The following KCNH5 variants were observed in gnomAD, a reference collection of about 807,000 sequenced individuals.
KCNH5 encodes the protein potassium voltage-gated channel subfamily H member 5, also known as voltage-gated delayed rectifier potassium channel KCNH5.
A neutral mutation model predicts 96.1 loss-of-function variants in KCNH5; 46 were observed. The observed-to-expected ratio is 0.48, with a 90% CI of 0.38 to 0.61. KCNH5 has a LOEUF of 0.61. KCNH5 is among the 20% of genes least tolerant of loss of function. The pLI, the probability that KCNH5 is intolerant of heterozygous loss-of-function variation, is 0.00. For synonymous variants in KCNH5, 439 were observed against 449.8 expected, an observed-to-expected ratio of 0.98 and a Z score of 0.30; for missense variants, 907 against 1,225.8, an observed-to-expected ratio of 0.74 and a Z score of 3.88.
At chr14:62,800,187 G>A (rs946854912) in intron 9 of KCNH5, among the ~76,000 whole-genome samples, 20 of 152,088 alleles carry the variant, frequency 1.3e-4, no homozygotes, top group African/African-American at 2.7e-4. Flanking sequence ...AGAGTTGTCC[G>A]TATAATTTGA....
chr14:62,952,416 T>C (rs1188616936), intron 6 of KCNH5, among the ~76,000 whole-genome samples: 2 of 152,136 alleles, frequency 1.3e-5, no homozygotes, highest in Non-Finnish European at 2.9e-5. Context: ...AATAAACATT[T>C]ATGGAGCACT....
intron 7 of KCNH5, among the ~76,000 whole-genome samples, chr14:62,881,909 T>C (rs1406037135): frequency 6.6e-6 from 1 of 152,064 alleles, no homozygotes; most frequent in African/African-American, 2.4e-5. Flanking sequence ...TGGTCCACTA[T>C]ATGTCTATCA....
At chr14:62,749,913 C>T (rs73271163) in intron 10 of KCNH5, among the ~76,000 whole-genome samples, 3,739 of 152,200 alleles carry the variant, frequency 0.025, 118 homozygotes, top group East Asian at 0.092. Context: ...GAAAGATGGG[C>T]CATTATTGTT....
At chr14:63,026,286 T>C (rs947586956) in intron 1 of KCNH5, among the ~76,000 whole-genome samples, 1 of 152,024 alleles carries the variant, frequency 6.6e-6, no homozygotes, top group African/African-American at 2.4e-5. Context: ...GAAGGAAAGC[T>C]ACAAGACATT....
intron 8 of KCNH5, among the ~76,000 whole-genome samples, chr14:62,835,753 A>T (rs903055493): frequency 7.2e-5 from 11 of 151,982 alleles, no homozygotes; most frequent in Non-Finnish European, 1.5e-4. Context: ...AAAATACCTT[A>T]AAAAATAAAG....
At chr14:62,976,371 C>G (rs562418610) in intron 6 of KCNH5, among the ~76,000 whole-genome samples, 2 of 148,542 alleles carry the variant, frequency 1.3e-5, no homozygotes, top group South Asian at 4.3e-4. Flanking sequence ...CCACTGCACT[C>G]CAGCCTGGGT....
At chr14:63,044,890 G>T (rs570107202) in intron 1 of KCNH5, among the ~76,000 whole-genome samples, 1 of 152,272 alleles carries the variant, frequency 6.6e-6, no homozygotes, top group East Asian at 1.9e-4. Flanking sequence ...GGACAGGTGG[G>T]AGGGGGTGAG....
intron 5 of KCNH5, 37 bp downstream of exon 5, chr14:62,987,035 C>A: frequency 7.2e-7 from 1 of 1,383,416 alleles, no homozygotes; most frequent in Non-Finnish European, 1.0e-6. Context: ...TGTACCAACA[C>A]CACCATCTTG....
At chr14:63,015,031 A>G (rs1891300274) in intron 2 of KCNH5, among the ~76,000 whole-genome samples, 1 of 152,124 alleles carries the variant, frequency 6.6e-6, no homozygotes, top group South Asian at 2.1e-4. Context: ...GGACCCTCTC[A>G]ACCAGAAGCC....
At chr14:63,011,679 A>G (rs1891230891) in intron 2 of KCNH5, among the ~76,000 whole-genome samples, 1 of 152,164 alleles carries the variant, frequency 6.6e-6, no homozygotes, top group Non-Finnish European at 1.5e-5. Context: ...ATAGCACTGT[A>G]TACCTGTAAT....
chr14:62,928,247 T>C (rs1889512352), intron 7 of KCNH5, among the ~76,000 whole-genome samples: 1 of 152,110 alleles, frequency 6.6e-6, no homozygotes, highest in Non-Finnish European at 1.5e-5. Context: ...TCTTGCTTAA[T>C]AGAGTTAACA....
intron 10 of KCNH5, among the ~76,000 whole-genome samples, chr14:62,756,372 A>G (rs902245656): frequency 6.6e-6 from 1 of 152,106 alleles, no homozygotes; most frequent in African/African-American, 2.4e-5. Flanking sequence ...TGTCCATACT[A>G]CTGAAAGCCA....
intron 10 of KCNH5, among the ~76,000 whole-genome samples, chr14:62,738,877 G>A (rs1419257150): frequency 2.6e-5 from 4 of 152,100 alleles, no homozygotes; most frequent in Non-Finnish European, 4.4e-5. Context: ...CATAGAAAGA[G>A]CATTATGGAG....
At chr14:63,003,624 A>ATATATATATATATTT (rs1491457497) in intron 3 of KCNH5, among the ~76,000 whole-genome samples, 37 of 92,708 alleles carry the variant, frequency 4.0e-4, no homozygotes, top group African/African-American at 1.6e-3. Flanking sequence ...ATATATATAT[A>ATATATATATATATTT]TTTTTTTTTT....
At chr14:62,803,422 T>C (rs1384922806) in intron 8 of KCNH5, among the ~76,000 whole-genome samples, 2 of 152,168 alleles carry the variant, frequency 1.3e-5, no homozygotes, top group African/African-American at 4.8e-5. Flanking sequence ...GATTTTCCTT[T>C]TACAAATAAA....
chr14:62,749,287 C>G (rs1885445544), intron 10 of KCNH5, among the ~76,000 whole-genome samples: 1 of 152,182 alleles, frequency 6.6e-6, no homozygotes, highest in African/African-American at 2.4e-5. Flanking sequence ...GATTGGCTCA[C>G]AGGAATAAAC....
chr14:62,716,528 A>C (rs1316789469), intron 10 of KCNH5, among the ~76,000 whole-genome samples: 2 of 152,152 alleles, frequency 1.3e-5, no homozygotes, highest in African/African-American at 4.8e-5. Flanking sequence ...GCATGTATTC[A>C]TGATATTTGC....
At chr14:62,893,625 G>A (rs981816742) in intron 7 of KCNH5, among the ~76,000 whole-genome samples, 36 of 152,062 alleles carry the variant, frequency 2.4e-4, no homozygotes, top group Non-Finnish European at 1.2e-4. Context: ...GCATGGTGGT[G>A]TGTGCCTGTA....
intron 7 of KCNH5, among the ~76,000 whole-genome samples, chr14:62,860,861 A>G (rs1888019778): frequency 6.6e-6 from 1 of 152,196 alleles, no homozygotes; most frequent in Non-Finnish European, 1.5e-5. Flanking sequence ...AATGCTATCT[A>G]TGCCAACCTT....
Sources: allele counts gnomAD v4.1 joint callset (sites outside exome capture counted in the v4.1 genomes callset), GRCh38; gene constraint gnomAD v4.1.1; transcripts MANE v1.5; gene names NCBI Gene and HGNC (gene_info 2026-07-23, HGNC 2026-07-21).